CPNE5: variants seen among roughly 807,000 people sequenced by gnomAD.
The protein encoded by CPNE5 is copine-5.
Under a neutral mutation model 81.1 loss-of-function variants are expected in CPNE5, and 42 were observed. That is an observed-to-expected ratio of 0.52 (90% confidence interval 0.40 to 0.67). CPNE5 has a LOEUF of 0.67. Ranked by LOEUF, CPNE5 falls within the 30% of genes least tolerant of loss-of-function variation. The probability of loss-of-function intolerance (pLI) is 0.00; values close to 1 mark genes in which losing one functional copy is unlikely to be tolerated. For missense variants in CPNE5, 612 were observed against 815.5 expected, an observed-to-expected ratio of 0.75 and a Z score of 3.04; for synonymous variants, 313 against 321.5, an observed-to-expected ratio of 0.97 and a Z score of 0.28.
At chr6:36,792,151 C>T (rs1769154911) in intron 7 of CPNE5, 55 bp from the exon 8 acceptor site, 5 of 1,529,230 alleles carry the variant, frequency 3.3e-6, no homozygotes, top group Middle Eastern at 1.7e-4. Flanking sequence ...GAGCCATAAA[C>T]CTGACACTCC....
chr6:36,756,127 T>G, intron 13 of CPNE5, 118 bp downstream of exon 13: 1 of 646,374 alleles, frequency 1.5e-6, no homozygotes, highest in Non-Finnish European at 2.7e-6. Context: ...CTCTTGGATG[T>G]CTGATTCCCA....
chr6:36,790,193 T>C (rs1768958485), intron 8 of CPNE5, among the ~76,000 whole-genome samples: 1 of 152,226 alleles, frequency 6.6e-6, no homozygotes, highest in Non-Finnish European at 1.5e-5. Flanking sequence ...TCATCAGATG[T>C]TATAACACAT....
chr6:36,827,041 C>T (rs568908376), intron 1 of CPNE5, among the ~76,000 whole-genome samples: 9 of 152,152 alleles, frequency 5.9e-5, no homozygotes, highest in Non-Finnish European at 1.3e-4. Flanking sequence ...TGCTCAGGCA[C>T]ACTTGGTGAC....
intron 3 of CPNE5, among the ~76,000 whole-genome samples, chr6:36,821,662 A>T (rs1772064202): frequency 6.6e-6 from 1 of 152,118 alleles, no homozygotes; most frequent in Non-Finnish European, 1.5e-5. Flanking sequence ...TGGAGCCGGG[A>T]CTTGATTCAA....
intron 14 of CPNE5, among the ~76,000 whole-genome samples, chr6:36,751,372 T>C (rs2150376639): frequency 6.6e-6 from 1 of 152,364 alleles, no homozygotes; most frequent in East Asian, 1.9e-4. Flanking sequence ...CAGCATGTTA[T>C]GGGAGAAGGA....
chr6:36,743,853 C>A lies in CPNE5; in HGVS notation c.1490-91G>T. ...AGTGGACTTGTCCTTTCATCCCAGG[C>A]CAATCCAGGGCCGAGACCACTGGCC... On this transcript the variant is annotated intron_variant, in intron 19 of 20. Coordinates refer to ENST00000244751, the MANE Select transcript of CPNE5 (RefSeq NM_020939.2). 4 of 1,169,528 alleles carry A rather than the reference C, an allele frequency of 3.4e-6. 1 individual carries two copies. The South Asian group carries it at 4.9e-5, about 14-fold the overall frequency. 72.4% of individuals were successfully genotyped at this position (1,169,528 alleles called of 1,614,324 possible).
chr6:36,769,830 G>A (rs917359632), intron 10 of CPNE5, among the ~76,000 whole-genome samples: 2 of 152,150 alleles, frequency 1.3e-5, no homozygotes, highest in Non-Finnish European at 2.9e-5. Context: ...GGCCCTCCTG[G>A]GAGCTCATCT....
At chr6:36,825,242 C>T (rs564814295) in intron 1 of CPNE5, among the ~76,000 whole-genome samples, 20 of 152,276 alleles carry the variant, frequency 1.3e-4, no homozygotes, top group Non-Finnish European at 2.4e-4. Flanking sequence ...GATGGACAAA[C>T]GCAACAGCAG....
At chr6:36,823,579 T>C (rs4714013) in intron 1 of CPNE5, among the ~76,000 whole-genome samples, 12,173 of 152,240 alleles carry the variant, frequency 0.08, 639 homozygotes, top group South Asian at 0.13. Context: ...GATTAATGAA[T>C]TACACCTCCC....
At position 36,742,313 on chromosome 6, in the gene CPNE5, G is replaced by T; in HGVS notation, c.1737C>A (p.Ser579=). The change falls in exon 21 of 21, where the codon TCC becomes TCA. Residue 579 remains serine (S), a synonymous_variant. Transcript: ENST00000244751. ...GGGACGCAGGGGGCGTGCGGGCTGG[G>T]GACTGCGAGGGCGAGTGGGTTGGTG... ...PAAPTHSPSQ[S]PARTPPASPL... 6.2e-7 allele frequency: 1 copy of T among 1,609,360 alleles called. No individual in the cohort carries two copies.
intron 1 of CPNE5, among the ~76,000 whole-genome samples, chr6:36,826,818 T>A (rs888340223): frequency 6.6e-6 from 1 of 152,194 alleles, no homozygotes; most frequent in African/African-American, 2.4e-5. Context: ...ATGTAGTAGT[T>A]AAGTGCATGG....
chr6:36,765,852 G>C (rs1766517710), intron 10 of CPNE5, among the ~76,000 whole-genome samples: 1 of 152,198 alleles, frequency 6.6e-6, no homozygotes, highest in Admixed American at 6.5e-5. Context: ...CGTCAGGGAG[G>C]AGCCCAGGGC....
intron 14 of CPNE5, 77 bp from the exon 15 acceptor site, chr6:36,748,344 G>T: frequency 2.3e-6 from 3 of 1,319,248 alleles, no homozygotes; most frequent in Non-Finnish European, 3.3e-6. Flanking sequence ...CTAGACATTG[G>T]CTACCACCCT....
intron 12 of CPNE5, among the ~76,000 whole-genome samples, chr6:36,758,925 G>C (rs1765751348): frequency 6.6e-6 from 1 of 152,210 alleles, no homozygotes; most frequent in Non-Finnish European, 1.5e-5. Context: ...TACCCAGATG[G>C]TGAGGTGCTC....
intron 9 of CPNE5, 35 bp from the exon 10 acceptor site, chr6:36,775,100 C>G (rs1270304061): frequency 6.4e-7 from 1 of 1,556,930 alleles, no homozygotes; most frequent in African/African-American, 1.4e-5. Flanking sequence ...GGCTGTCAGG[C>G]CCAAACCCAA....
rs1377470667 is a variant in CPNE5 at position 36,839,316 on chromosome 6, G to A, written c.62C>T (p.Pro21Leu). Reference sequence around the variant, plus strand: ...CACGGTGATCTCCACCTTGGTGGCCGGGATGCTGCCCGCCAAGGAGTCGAA... The same window carrying A: ...CACGGTGATCTCCACCTTGGTGGCCAGGATGCTGCCCGCCAAGGAGTCGAA... ...SEFDSLAGSIPATKVEITVSC... is the reference protein window; with the variant it reads ...SEFDSLAGSILATKVEITVSC... The change falls in exon 1 of 21, where the codon CCG becomes CTG. Residue 21 changes from proline (P) to leucine (L), a missense_variant. Physicochemically the swap from Pro to Leu is moderately conservative, Grantham distance 98. Coordinates refer to ENST00000244751, the MANE Select transcript of CPNE5 (RefSeq NM_020939.2). This position sits in a 1 kb window ranked among gnomAD's most constrained non-coding sequence, Gnocchi z 7.3. 1.3e-6 allele frequency: 2 copies of A among 1,550,552 alleles called. No individual in the cohort carries two copies. The highest frequency in any genetic ancestry group is 1.9e-5 in the Admixed American group (1 of 51,574).
intron 16 of CPNE5, 130 bp from the exon 17 acceptor site, chr6:36,745,645 C>T (rs867245346): frequency 4.4e-5 from 38 of 857,276 alleles, no homozygotes; most frequent in South Asian, 2.3e-4. Flanking sequence ...TGTGGGGTGG[C>T]GGGGCAGGGG....
chr6:36,828,237 T>C (rs35694858), intron 1 of CPNE5, among the ~76,000 whole-genome samples: 11,745 of 149,948 alleles, frequency 0.078, 621 homozygotes, highest in South Asian at 0.13. Flanking sequence ...GGAGGATCAC[T>C]TGAGCTCAGG....
At position 36,757,357 on chromosome 6, in the gene CPNE5, A is replaced by C. The variant is rs1329450778; in HGVS notation, c.856-1059T>G. ...TGTCTTTGTTCCCACAGAGGCCGTC[A>C]GCTGATCTTTACCGTGGTCTCTTCT... On this transcript the variant is annotated intron_variant, in intron 12 of 20. Coordinates refer to ENST00000244751, the MANE Select transcript of CPNE5 (RefSeq NM_020939.2). 11 of 985,318 alleles carry C rather than the reference A, an allele frequency of 1.1e-5. No individual in the cohort carries two copies. The Admixed American group carries it at 6.8e-4, about 61-fold the overall frequency. The allele number at this position is 985,318 out of a possible 1,614,324, so 61.0% of individuals were successfully genotyped here.
Sources: allele counts gnomAD v4.1 joint callset (sites outside exome capture counted in the v4.1 genomes callset), GRCh38; gene constraint gnomAD v4.1.1; non-coding constraint Gnocchi (gnomAD v3.1); transcripts MANE v1.5; gene names NCBI Gene and HGNC (gene_info 2026-07-23, HGNC 2026-07-21).